Variants in SYT16 observed in about 807,000 individuals in gnomAD.
SYT16 encodes synaptotagmin 16.
Under a neutral mutation model 61.4 loss-of-function variants are expected in SYT16, and 42 were observed. The ratio of observed to expected loss-of-function variants is 0.68; its 90% CI spans 0.53 to 0.89. The LOEUF (loss-of-function observed/expected upper bound fraction) is 0.89, where lower values mean the gene tolerates loss of function less well. Among genes scored for constraint, SYT16 ranks in the 40% least tolerant of loss-of-function variants. The pLI, the probability that SYT16 is intolerant of heterozygous loss-of-function variation, is 0.00. For synonymous variants in SYT16, 314 were observed against 302.3 expected (o/e 1.04, Z -0.40); for missense variants, 804 against 807.3 (o/e 1.00, Z 0.05).
intron 1 of SYT16, among the ~76,000 whole-genome samples, chr14:61,893,262 C>G (rs138826950): frequency 3.9e-5 from 6 of 152,356 alleles, no homozygotes; most frequent in Non-Finnish European, 7.3e-5. Flanking sequence ...GGATGACAAG[C>G]AGCTGGTACT....
chr14:62,051,062 C>T (rs1464245938), intron 3 of SYT16, among the ~76,000 whole-genome samples: 1 of 152,236 alleles, frequency 6.6e-6, no homozygotes, highest in East Asian at 1.9e-4. Flanking sequence ...ATGCCTTGCC[C>T]CCAGAGGTGG....
intron 3 of SYT16, among the ~76,000 whole-genome samples, chr14:62,061,000 A>G (rs942899653): frequency 3.9e-5 from 6 of 152,112 alleles, no homozygotes; most frequent in Non-Finnish European, 7.4e-5. Flanking sequence ...CAGAGATAAT[A>G]AAAGATACAG....
chr14:61,869,477 C>G (rs2047262019), intron 1 of SYT16, among the ~76,000 whole-genome samples: 1 of 152,042 alleles, frequency 6.6e-6, no homozygotes, highest in African/African-American at 2.4e-5. Flanking sequence ...TTATCAACAT[C>G]TACTTTCAAA....
intron 3 of SYT16, among the ~76,000 whole-genome samples, chr14:62,046,858 C>T (rs1399739536): frequency 2.0e-5 from 3 of 152,120 alleles, no homozygotes; most frequent in Admixed American, 2.0e-4. Flanking sequence ...TTACTGTAGC[C>T]TTGTAGTATA....
At chr14:61,971,852 T>G (rs1366668509) in intron 2 of SYT16, among the ~76,000 whole-genome samples, 1 of 152,238 alleles carries the variant, frequency 6.6e-6, no homozygotes. Flanking sequence ...TAATTACAGC[T>G]TGCCATGCAA....
chr14:61,865,464 G>A (rs1026627873), intron 1 of SYT16, among the ~76,000 whole-genome samples: 15 of 152,170 alleles, frequency 9.9e-5, no homozygotes, highest in Non-Finnish European at 1.9e-4. Flanking sequence ...CAGCTCAAGA[G>A]TTAGACTATT....
chr14:61,839,240 G>C (rs1002913373), intron 1 of SYT16, among the ~76,000 whole-genome samples: 2 of 152,168 alleles, frequency 1.3e-5, no homozygotes, highest in Non-Finnish European at 2.9e-5. Flanking sequence ...TCTCATGAAT[G>C]GATTAATGCC....
intron 3 of SYT16, among the ~76,000 whole-genome samples, chr14:62,055,271 C>T (rs925716292): frequency 6.6e-6 from 1 of 152,192 alleles, no homozygotes; most frequent in African/African-American, 2.4e-5. Context: ...AAGCAATTCC[C>T]TTATAGGAGG....
intron 1 of SYT16, among the ~76,000 whole-genome samples, chr14:61,946,428 G>T (rs966980011): frequency 6.6e-6 from 1 of 152,138 alleles, no homozygotes; most frequent in African/African-American, 2.4e-5. Context: ...CGGTAGGAGG[G>T]GGGTGAGGGC....
intron 2 of SYT16, among the ~76,000 whole-genome samples, chr14:61,993,065 G>A (rs2140616698): frequency 6.6e-6 from 1 of 151,744 alleles, no homozygotes; most frequent in South Asian, 2.1e-4. Flanking sequence ...GAAACCAAGG[G>A]GATATGAGGC....
intron 3 of SYT16, among the ~76,000 whole-genome samples, chr14:62,044,525 C>A (rs2054884791): frequency 6.6e-6 from 1 of 152,004 alleles, no homozygotes; most frequent in Admixed American, 6.6e-5. Flanking sequence ...TTGTTCAACT[C>A]CTACTTATGG....
intron 1 of SYT16, among the ~76,000 whole-genome samples, chr14:61,943,638 A>G (rs2050300450): frequency 6.6e-6 from 1 of 152,200 alleles, no homozygotes; most frequent in South Asian, 2.1e-4. Context: ...AAACCACATG[A>G]TTATCTCAAT....
intron 7 of SYT16, among the ~76,000 whole-genome samples, chr14:62,093,857 A>C (rs1254952238): frequency 6.6e-6 from 1 of 152,094 alleles, no homozygotes; most frequent in African/African-American, 2.4e-5. Context: ...GTAATGATTA[A>C]ACCCTGCTGA....
chr14:61,965,417 G>C (rs1304223262), intron 1 of SYT16, among the ~76,000 whole-genome samples: 2 of 152,142 alleles, frequency 1.3e-5, no homozygotes, highest in East Asian at 3.8e-4. Context: ...GAAGAAACAT[G>C]AACTCTTTTG....
In SYT16 at chr14:61,980,394, A is replaced by G. The variant is rs74844613; in HGVS notation, c.-145+10083A>G. On this transcript the variant is annotated intron_variant, in intron 2 of 7. Coordinates refer to ENST00000683842, the MANE Select transcript of SYT16 (RefSeq NM_001367656.1). ...TTTCAACATCAGGACAAGCCTTGATATATCTCATGGCAATGCATAGTCACT... is the reference window on the plus strand; with the variant it reads ...TTTCAACATCAGGACAAGCCTTGATGTATCTCATGGCAATGCATAGTCACT... Among the ~76,000 whole-genome samples the G allele has an allele frequency of 2.5e-3, 377 of 152,318 alleles. 1 individual carries two copies. The highest frequency in any genetic ancestry group is 8.7e-3 in the African/African-American group (361 of 41,568).
chr14:61,962,802 G>C (rs1443777290), intron 1 of SYT16, among the ~76,000 whole-genome samples: 1 of 151,924 alleles, frequency 6.6e-6, no homozygotes, highest in Non-Finnish European at 1.5e-5. Flanking sequence ...CTTCAGTTCA[G>C]ACATTGTATC....
Position 62,107,495 on chromosome 14 carries a change from A to G in SYT16, c.*6788A>G, listed in dbSNP as rs535008113. The G allele has an allele frequency of 2.6e-4, 39 of 152,346 alleles. No individual in the cohort carries two copies. The highest frequency in any genetic ancestry group is 9.4e-4 in the African/African-American group (39 of 41,586). 9.4% of individuals were successfully genotyped at this position (152,346 alleles called of 1,614,324 possible). On this transcript the variant is annotated 3_prime_UTR_variant, in exon 8 of 8. Transcript: ENST00000683842. ...TTCCAGACTCAGGGTTAGGGGTTGG[A>G]GAATGGCAGATGGATAAAATAGTTT...
chr14:62,046,335 T>C (rs2054983991), intron 3 of SYT16, among the ~76,000 whole-genome samples: 1 of 152,208 alleles, frequency 6.6e-6, no homozygotes, highest in African/African-American at 2.4e-5. Flanking sequence ...TTGAGTTCAT[T>C]GTAGATTCTG....
In SYT16 at chr14:62,112,091, T is replaced by C. The variant is rs1314629720; in HGVS notation, c.*11384T>C. ...TGTAGTCTTTAAGATTTCATAATGA[T>C]GGTTTTAATGTATTACTATCTTACT... On this transcript the variant is annotated 3_prime_UTR_variant, in exon 8 of 8. Coordinates refer to ENST00000683842, the MANE Select transcript of SYT16 (RefSeq NM_001367656.1). 1.3e-5 allele frequency: 2 copies of C among 152,148 alleles called. No homozygotes were observed. The highest frequency in any genetic ancestry group is 1.5e-5 in the Non-Finnish European group (1 of 67,970). 9.4% of individuals were successfully genotyped at this position (152,148 alleles called of 1,614,324 possible).
Sources: allele counts gnomAD v4.1 joint callset (sites outside exome capture counted in the v4.1 genomes callset), GRCh38; gene constraint gnomAD v4.1.1; transcripts MANE v1.5; gene names NCBI Gene and HGNC (gene_info 2026-07-23, HGNC 2026-07-21).